OXCT1: variants seen among roughly 807,000 people sequenced by gnomAD.
The protein encoded by OXCT1 is succinyl-CoA:3-ketoacid coenzyme A transferase 1, mitochondrial.
OXCT1 carries 27 observed loss-of-function variants against 69.6 expected under a neutral mutation model. That is an observed-to-expected ratio of 0.39 (90% CI 0.29 to 0.54). The LOEUF is 0.54. OXCT1 is among the 20% of genes least tolerant of loss of function. The probability of loss-of-function intolerance (pLI) is 0.72; values close to 1 mark genes in which losing one functional copy is unlikely to be tolerated. For missense variants in OXCT1, 437 were observed against 650.2 expected (o/e 0.67, Z 3.57); for synonymous variants, 202 against 217.8 (o/e 0.93, Z 0.64).
At chr5:41,752,081 A>G (rs975142746) in intron 14 of OXCT1, among the ~76,000 whole-genome samples, 6 of 152,140 alleles carry the variant, frequency 3.9e-5, no homozygotes, top group African/African-American at 1.4e-4. Context: ...AGTGACTCAC[A>G]AAGGAGGAAC....
At chr5:41,853,609 A>C in intron 3 of OXCT1, 55 bp from the exon 4 acceptor site, 1 of 1,553,486 alleles carries the variant, frequency 6.4e-7, no homozygotes. Context: ...ACACTATTAC[A>C]TCTTTTTAAA....
At chr5:41,765,621 A>G (rs188142209) in intron 13 of OXCT1, among the ~76,000 whole-genome samples, 9 of 152,292 alleles carry the variant, frequency 5.9e-5, no homozygotes, top group Non-Finnish European at 1.2e-4. Flanking sequence ...GATCTGAGCA[A>G]AGCTCTTAAG....
At chr5:41,781,226 C>A (rs563641071) in intron 13 of OXCT1, among the ~76,000 whole-genome samples, 5 of 152,132 alleles carry the variant, frequency 3.3e-5, no homozygotes, top group Admixed American at 2.6e-4. Flanking sequence ...ATCTTATTAA[C>A]CTCATCATAG....
At chr5:41,854,969 CAT>C (rs1009419308) in intron 3 of OXCT1, among the ~76,000 whole-genome samples, 1 of 152,182 alleles carries the variant, frequency 6.6e-6, no homozygotes, top group Non-Finnish European at 1.5e-5. Flanking sequence ...CATCACAAGA[CAT>C]GTGCAAGAAA....
intron 14 of OXCT1, among the ~76,000 whole-genome samples, chr5:41,754,726 A>C (rs1282961131): frequency 6.6e-6 from 1 of 152,076 alleles, no homozygotes; most frequent in Non-Finnish European, 1.5e-5. Flanking sequence ...CCAACAATCC[A>C]CTCAGGACTT....
chr5:41,842,791 AGGG>A lies in OXCT1; in HGVS notation c.565-13_565-11del. 6.4e-7 allele frequency: 1 copy of A among 1,551,184 alleles called. No homozygotes were observed. The highest frequency in any genetic ancestry group is 1.1e-5 in the South Asian group (1 of 89,798). On this transcript the variant is annotated splice_polypyrimidine_tract_variant and intron_variant, in intron 5 of 16. Coordinates refer to ENST00000196371, the MANE Select transcript of OXCT1 (RefSeq NM_000436.4). ...CATTGAACTCCCTCACCTGCAGAAGAGGGAGAAGGCATCATCAGGTATTTGCAT... is the reference window on the plus strand; with the variant it reads ...CATTGAACTCCCTCACCTGCAGAAGAAGAAGGCATCATCAGGTATTTGCAT...
At chr5:41,818,381 T>A (rs1213058736) in intron 7 of OXCT1, among the ~76,000 whole-genome samples, 2 of 152,154 alleles carry the variant, frequency 1.3e-5, no homozygotes, top group African/African-American at 4.8e-5. Flanking sequence ...TCAAAGGACC[T>A]AGGGTACACA....
At position 41,762,347 on chromosome 5, in the gene OXCT1, T is replaced by C. The variant is rs1744392836; in HGVS notation, c.1249-147A>G. On this transcript the variant is annotated intron_variant, in intron 13 of 16. Coordinates refer to ENST00000196371, the MANE Select transcript of OXCT1 (RefSeq NM_000436.4). This position sits in a 1 kb window ranked among gnomAD's most constrained non-coding sequence, Gnocchi z 4.0. ...TGCTTGAAGTTCTATAACCTAATAT[T>C]CTGTCACTCTATTATTCTGTGGTTG... 2.7e-6 allele frequency: 2 copies of C among 732,054 alleles called. No homozygotes were observed. 45.3% of individuals were successfully genotyped at this position (732,054 alleles called of 1,614,324 possible). A position where few individuals can be genotyped will look rare whatever the true frequency, so the allele number is the denominator to read the frequency against.
intron 14 of OXCT1, among the ~76,000 whole-genome samples, chr5:41,752,223 G>C (rs1403384576): frequency 6.6e-6 from 1 of 152,056 alleles, no homozygotes; most frequent in East Asian, 1.9e-4. Flanking sequence ...AATTTTTGTG[G>C]TCCCTTAAAT....
chr5:41,754,624 A>G (rs907571702), intron 14 of OXCT1, among the ~76,000 whole-genome samples: 1 of 152,132 alleles, frequency 6.6e-6, no homozygotes, highest in African/African-American at 2.4e-5. Flanking sequence ...ATCAAGGTAC[A>G]CAGAATAAAA....
At chr5:41,825,732 T>C (rs1056238320) in intron 7 of OXCT1, among the ~76,000 whole-genome samples, 1 of 152,226 alleles carries the variant, frequency 6.6e-6, no homozygotes, top group South Asian at 2.1e-4. Context: ...CATGATCTCT[T>C]TGTGCACACC....
intron 7 of OXCT1, among the ~76,000 whole-genome samples, chr5:41,821,072 T>C (rs1339321503): frequency 2.0e-5 from 3 of 152,222 alleles, no homozygotes; most frequent in South Asian, 4.1e-4. Context: ...AACATTTGTA[T>C]ACCTAATAGC....
Position 41,738,774 on chromosome 5 carries a change from T to C in OXCT1, c.1521+616A>G, listed in dbSNP as rs148736713. 8.3e-3 allele frequency among the ~76,000 whole-genome samples: 1,271 copies of C among 152,324 alleles called. 16 individuals are homozygous for C. The highest frequency in any genetic ancestry group is 0.029 in the African/African-American group (1,214 of 41,562). ...AAAGAGCAATTATTTATATTCTCAG[T>C]AATATTCTGTTTTAAAAAGGGATTT... is the stretch of plus-strand genomic sequence containing the variant. On this transcript the variant is annotated intron_variant, in intron 16 of 16. Transcript: ENST00000196371.
chr5:41,860,170 G>A (rs1749670976), intron 3 of OXCT1, among the ~76,000 whole-genome samples: 1 of 151,958 alleles, frequency 6.6e-6, no homozygotes, highest in Non-Finnish European at 1.5e-5. Flanking sequence ...CAGACGATCT[G>A]AAAAGTCAGT....
At chr5:41,806,838 G>A (rs1202525460) in intron 8 of OXCT1, among the ~76,000 whole-genome samples, 1 of 152,000 alleles carries the variant, frequency 6.6e-6, no homozygotes, top group Non-Finnish European at 1.5e-5. Context: ...TACCTTCAAT[G>A]CTCCTGGTAC....
At chr5:41,805,347 T>C (rs1746621670) in intron 9 of OXCT1, among the ~76,000 whole-genome samples, 1 of 151,976 alleles carries the variant, frequency 6.6e-6, no homozygotes. Flanking sequence ...AAATTATTGA[T>C]TGCCATTTTG....
rs968209857 is a variant in OXCT1, at chr5:41,772,372, AAGAG to A, written c.1249-10176_1249-10173del. Among the ~76,000 whole-genome samples, 13 of 152,170 alleles carry A rather than the reference AAGAG, an allele frequency of 8.5e-5. No individual in the cohort carries two copies. The East Asian group carries it at 1.2e-3, about 14-fold the overall frequency. ...TGAGATTAAAAAAAACAAAAAAAAA[AAGAG>A]AGAGAGAGTGACTGAAAGAACATTA... On this transcript the variant is annotated intron_variant, in intron 13 of 16. Transcript: ENST00000196371.
At chr5:41,764,579 C>T (rs550301027) in intron 13 of OXCT1, among the ~76,000 whole-genome samples, 13 of 152,196 alleles carry the variant, frequency 8.5e-5, no homozygotes, top group Non-Finnish European at 1.9e-4. Flanking sequence ...TCACCTCTCT[C>T]TTATCACAAA....
At chr5:41,843,663 A>T (rs902220236) in intron 5 of OXCT1, 7 of 452,638 alleles carry the variant, frequency 1.5e-5, no homozygotes, top group South Asian at 1.1e-4. Context: ...AAATGGAGCC[A>T]TGTGAATGTA....
Sources: allele counts gnomAD v4.1 joint callset (sites outside exome capture counted in the v4.1 genomes callset), GRCh38; gene constraint gnomAD v4.1.1; non-coding constraint Gnocchi (gnomAD v3.1); transcripts MANE v1.5; gene names NCBI Gene and HGNC (gene_info 2026-07-23, HGNC 2026-07-21).